ZDHHC13: variants seen among roughly 807,000 people sequenced by gnomAD.
ZDHHC13 encodes the protein palmitoyltransferase ZDHHC13.
Under a neutral mutation model 86.0 loss-of-function variants are expected in ZDHHC13, and 85 were observed. The observed-to-expected ratio is 0.99, with a 90% CI of 0.83 to 1.18. The LOEUF (loss-of-function observed/expected upper bound fraction) is 1.18, where lower values mean the gene tolerates loss of function less well. Among genes scored for constraint, ZDHHC13 ranks in the 50% most tolerant of loss-of-function variants. The pLI, the probability that ZDHHC13 is intolerant of heterozygous loss-of-function variation, is 0.00. For missense variants in ZDHHC13, 711 were observed against 730.2 expected (o/e 0.97, Z 0.30); for synonymous variants, 263 against 246.4 (o/e 1.07, Z -0.63).
chr11:19,147,728 A>G lies in ZDHHC13; in HGVS notation c.374+55A>G, dbSNP rs568291103. On this transcript the variant is annotated intron_variant, in intron 4 of 16. Transcript: ENST00000446113. ...TAGCCACATATAGCTAGTGGTCACC[A>G]TATAAAAAATCAGTTATAGACGATT... 90 of 1,379,168 alleles carry G rather than the reference A, an allele frequency of 6.5e-5. 1 individual carries two copies. In the South Asian group the frequency reaches 9.5e-4, roughly 15 times the overall value. 85.4% of individuals were successfully genotyped at this position (1,379,168 alleles called of 1,614,324 possible).
At chr11:19,152,439 A>ATATCT (rs1849637981) in intron 7 of ZDHHC13, 119 bp downstream of exon 7, 23 of 1,446,282 alleles carry the variant, frequency 1.6e-5, no homozygotes, top group Admixed American at 2.7e-5. Context: ...TATAAATGAT[A>ATATCT]ATAGCTGGCT....
intron 8 of ZDHHC13, among the ~76,000 whole-genome samples, chr11:19,154,407 G>T (rs939622261): frequency 6.6e-6 from 1 of 152,002 alleles, no homozygotes; most frequent in Admixed American, 6.6e-5. Flanking sequence ...AGCCCATTTT[G>T]TGTCATCATG....
intron 9 of ZDHHC13, among the ~76,000 whole-genome samples, chr11:19,157,198 C>T (rs1312526899): frequency 6.6e-6 from 1 of 152,190 alleles, no homozygotes; most frequent in African/African-American, 2.4e-5. Flanking sequence ...TCTTGTAGCA[C>T]TTAATCACTT....
intron 14 of ZDHHC13, chr11:19,169,556 A>G: frequency 1.0e-6 from 1 of 985,494 alleles, no homozygotes; most frequent in Non-Finnish European, 1.2e-6. Flanking sequence ...TGTCAGAGGC[A>G]TTTATGAAAC....
chr11:19,174,230 A>G (rs1490664750), intron 16 of ZDHHC13, among the ~76,000 whole-genome samples: 1 of 152,234 alleles, frequency 6.6e-6, no homozygotes, highest in East Asian at 1.9e-4. Context: ...GTGAGATTTC[A>G]TCATGCTCCG....
chr11:19,163,266 A>G (rs1849960778), intron 10 of ZDHHC13, 37 bp from the exon 11 acceptor site: 2 of 1,549,584 alleles, frequency 1.3e-6, no homozygotes, highest in Non-Finnish European at 1.7e-6. Context: ...CATTATTTTT[A>G]AAGGAAGTTT....
rs1196900616 is a variant in ZDHHC13, at chr11:19,175,982, C to G, written c.*22C>G. On this transcript the variant is annotated 3_prime_UTR_variant, in exon 17 of 17. Coordinates refer to ENST00000446113, the MANE Select transcript of ZDHHC13 (RefSeq NM_019028.3). Reference sequence around the variant, plus strand: ...ATGAAGAAAAGCAACCCAAAACTCTCAATCTGATTTGTTTTTGTTTATGTC... The same window carrying G: ...ATGAAGAAAAGCAACCCAAAACTCTGAATCTGATTTGTTTTTGTTTATGTC... The G allele has an allele frequency of 1.9e-6, 3 of 1,580,638 alleles. No individual in the cohort carries two copies. The African/African-American group carries it at 4.1e-5, about 22-fold the overall frequency.
intron 16 of ZDHHC13, among the ~76,000 whole-genome samples, 194 bp downstream of exon 16, chr11:19,173,014 T>A (rs894384341): frequency 2.6e-5 from 4 of 152,134 alleles, no homozygotes; most frequent in African/African-American, 9.7e-5. Context: ...TGGTAAGAAT[T>A]CGAGAGTTAG....
At chr11:19,146,997 C>T (rs1227452618) in intron 3 of ZDHHC13, among the ~76,000 whole-genome samples, 1 of 152,112 alleles carries the variant, frequency 6.6e-6, no homozygotes, top group Admixed American at 6.5e-5. Context: ...TGAAGCTCAA[C>T]TTTGAAGTAA....
intron 1 of ZDHHC13, among the ~76,000 whole-genome samples, chr11:19,126,796 T>C (rs1375498389): frequency 2.0e-5 from 3 of 152,202 alleles, no homozygotes; most frequent in Non-Finnish European, 2.9e-5. Context: ...GATCTCATTC[T>C]TTTTTATGGC....
intron 10 of ZDHHC13, among the ~76,000 whole-genome samples, chr11:19,162,539 G>A (rs1328589596): frequency 1.3e-5 from 2 of 152,048 alleles, no homozygotes; most frequent in African/African-American, 4.8e-5. Context: ...GAGGAAGTAG[G>A]GGACATTTTA....
intron 4 of ZDHHC13, among the ~76,000 whole-genome samples, chr11:19,148,253 C>A (rs933718336): frequency 5.3e-5 from 8 of 151,848 alleles, no homozygotes; most frequent in Admixed American, 2.6e-4. Flanking sequence ...TTAAACTCCA[C>A]TCTCGGTGGT....
At chr11:19,148,198 C>T (rs760539822) in intron 4 of ZDHHC13, among the ~76,000 whole-genome samples, 4 of 151,386 alleles carry the variant, frequency 2.6e-5, no homozygotes, top group Non-Finnish European at 4.4e-5. Flanking sequence ...CCATCTGAAA[C>T]TGAAGTTAGT....
At chr11:19,128,090 A>T (rs1848915557) in intron 1 of ZDHHC13, among the ~76,000 whole-genome samples, 2 of 151,996 alleles carry the variant, frequency 1.3e-5, no homozygotes, top group African/African-American at 4.8e-5. Flanking sequence ...GGAGCATGGG[A>T]TGTCTTTTCA....
At chr11:19,162,497 T>C (rs1393954) in intron 10 of ZDHHC13, among the ~76,000 whole-genome samples, 117,740 of 151,978 alleles carry the variant, frequency 0.77, 46,624 homozygotes, top group Admixed American at 0.86. Context: ...AAGACTTGGA[T>C]ACCCTAAAAG....
At chr11:19,167,385 G>A (rs1022927796) in intron 14 of ZDHHC13, 3 of 152,122 alleles carry the variant, frequency 2.0e-5, no homozygotes, top group Non-Finnish European at 4.4e-5. Context: ...TCTCTCTTCT[G>A]TGTCTCTCTG....
chr11:19,146,164 T>A lies in ZDHHC13; in HGVS notation c.174-17T>A. ...ATTTTAATTGTATCAATTATGCTTTTTTTTTTCTTCTTTGAGATACGGAAT... is the reference window on the plus strand; with the variant it reads ...ATTTTAATTGTATCAATTATGCTTTATTTTTTCTTCTTTGAGATACGGAAT... On this transcript the variant is annotated splice_polypyrimidine_tract_variant and intron_variant, in intron 2 of 16. Coordinates refer to ENST00000446113, the MANE Select transcript of ZDHHC13 (RefSeq NM_019028.3). The A allele has an allele frequency of 6.4e-7, 1 of 1,551,736 alleles. No individual in the cohort carries two copies.
chr11:19,150,651 G>T, intron 5 of ZDHHC13, 76 bp from the exon 6 acceptor site: 1 of 1,243,072 alleles, frequency 8.0e-7, no homozygotes, highest in Non-Finnish European at 1.2e-6. Context: ...ATGTATTAAA[G>T]AGATATTTCT....
rs1280847838 is a variant in ZDHHC13 at position 19,172,801 on chromosome 11, C to G, written c.1711C>G (p.Leu571Val). The G allele has an allele frequency of 1.2e-6, 2 of 1,603,428 alleles. No homozygotes were observed. Among genetic ancestry groups the G allele is most frequent in the Non-Finnish European group, 8.5e-7 (1 of 1,175,120 alleles). The change falls in exon 16 of 17, where the codon CTC becomes GTC. Residue 571 changes from leucine to valine, a missense_variant. Coordinates refer to ENST00000446113, the MANE Select transcript of ZDHHC13 (RefSeq NM_019028.3). ...QSKHMKQTLSLRKTPYNLGFM... is the reference protein window; with the variant it reads ...QSKHMKQTLSVRKTPYNLGFM... ...CAAGCATATGAAACAGACGTTGTCCCTCAGGAAGACACCATACAAGTAAGC... is the reference window on the plus strand; with the variant it reads ...CAAGCATATGAAACAGACGTTGTCCGTCAGGAAGACACCATACAAGTAAGC...
Sources: gnomAD v4.1 joint callset for allele counts (sites outside exome capture counted in the v4.1 genomes callset) on GRCh38, gnomAD v4.1.1 for gene constraint, MANE v1.5 for transcripts, NCBI Gene and HGNC (gene_info 2026-07-23, HGNC 2026-07-21) for gene names.